The following MALRD1 variants were observed in gnomAD, a reference collection of about 807,000 sequenced individuals.
The protein encoded by MALRD1 is MAM and LDL-receptor class A domain-containing protein 1.
MALRD1 carries 247 observed loss-of-function variants against 242.1 expected under a neutral mutation model. The observed-to-expected ratio is 1.02, with a 90% CI of 0.92 to 1.13. The LOEUF is 1.13. Among genes scored for constraint, MALRD1 ranks in the 50% most tolerant of loss-of-function variants. MALRD1 has a pLI of 0.00. For synonymous variants in MALRD1, 995 were observed against 866.6 expected, an observed-to-expected ratio of 1.15 and a Z score of -2.60; for missense variants, 2,989 against 2,533.1, an observed-to-expected ratio of 1.18 and a Z score of -3.86.
intron 14 of MALRD1, among the ~76,000 whole-genome samples, chr10:19,187,100 A>G (rs943477717): frequency 2.6e-5 from 4 of 152,212 alleles, no homozygotes; most frequent in Admixed American, 2.0e-4. Flanking sequence ...ATAAATACTC[A>G]CATGCTTACT....
chr10:19,701,128 G>A (rs1833607303), intron 38 of MALRD1, among the ~76,000 whole-genome samples: 1 of 152,080 alleles, frequency 6.6e-6, no homozygotes, highest in Non-Finnish European at 1.5e-5. Context: ...CAGCCTGGGT[G>A]ACAAAGCAAG....
intron 31 of MALRD1, among the ~76,000 whole-genome samples, chr10:19,511,932 A>C: frequency 6.6e-6 from 1 of 152,062 alleles, no homozygotes. Flanking sequence ...CACATCTAGG[A>C]TGTCATCTTC....
At chr10:19,134,423 T>C (rs1833246901) in intron 9 of MALRD1, among the ~76,000 whole-genome samples, 1 of 152,248 alleles carries the variant, frequency 6.6e-6, no homozygotes, top group East Asian at 1.9e-4. Context: ...TGATATTTTG[T>C]GTTGTATTAG....
intron 10 of MALRD1, among the ~76,000 whole-genome samples, chr10:19,141,639 T>C (rs1161108061): frequency 1.3e-5 from 2 of 151,974 alleles, no homozygotes; most frequent in Admixed American, 6.6e-5. Flanking sequence ...TCTACTTCAC[T>C]GTGTTCCAGA....
At chr10:19,343,459 A>G (rs1449096929) in intron 24 of MALRD1, among the ~76,000 whole-genome samples, 2 of 152,166 alleles carry the variant, frequency 1.3e-5, no homozygotes, top group Admixed American at 6.6e-5. Context: ...CTCCATCTTT[A>G]CAAAGATCTT....
At chr10:19,655,460 G>A (rs1480112271) in intron 36 of MALRD1, among the ~76,000 whole-genome samples, 2 of 149,102 alleles carry the variant, frequency 1.3e-5, no homozygotes, top group Non-Finnish European at 3.0e-5. Context: ...AGAGCCTAGA[G>A]ATCCCAGGAA....
intron 29 of MALRD1, among the ~76,000 whole-genome samples, chr10:19,476,947 A>C (rs1200009483): frequency 6.6e-6 from 1 of 152,072 alleles, no homozygotes; most frequent in Non-Finnish European, 1.5e-5. Flanking sequence ...AATATTTTCT[A>C]CTGAAAAACA....
intron 28 of MALRD1, among the ~76,000 whole-genome samples, chr10:19,391,659 C>T (rs1846342031): frequency 1.3e-5 from 2 of 152,192 alleles, no homozygotes; most frequent in Admixed American, 6.5e-5. Flanking sequence ...CGGGAAGACT[C>T]GACCTTTTGC....
chr10:19,185,008 A>G (rs891087668), intron 14 of MALRD1, among the ~76,000 whole-genome samples: 1 of 152,208 alleles, frequency 6.6e-6, no homozygotes, highest in African/African-American at 2.4e-5. Flanking sequence ...TGCAAATACT[A>G]TTTATAAGTT....
chr10:19,320,350 T>C (rs958117760), intron 21 of MALRD1, among the ~76,000 whole-genome samples: 1 of 152,124 alleles, frequency 6.6e-6, no homozygotes, highest in Non-Finnish European at 1.5e-5. Flanking sequence ...GTTACTTTGC[T>C]GAGGATGATG....
In MALRD1 at chr10:19,146,189, G is replaced by T; in HGVS notation, c.1412-9G>T. On this transcript the variant is annotated splice_polypyrimidine_tract_variant and intron_variant, in intron 10 of 39. Coordinates refer to ENST00000454679, the MANE Select transcript of MALRD1 (RefSeq NM_001142308.3). Reference sequence around the variant, plus strand: ...TCTCCTCACCTGTTTTCTCTTCTACGTGTAACAGCAAAGCATCTCACCTGT... The same window carrying T: ...TCTCCTCACCTGTTTTCTCTTCTACTTGTAACAGCAAAGCATCTCACCTGT... The T allele has an allele frequency of 2.4e-6, 3 of 1,231,464 alleles. No homozygotes were observed. Among genetic ancestry groups the T allele is most frequent in the Non-Finnish European group, 3.0e-6 (3 of 987,840 alleles). The allele number at this position is 1,231,464 out of a possible 1,614,324, so 76.3% of individuals were successfully genotyped here. A position where few individuals can be genotyped will look rare whatever the true frequency, so the allele number is the denominator to read the frequency against.
intron 35 of MALRD1, among the ~76,000 whole-genome samples, chr10:19,614,122 A>G (rs1184797410): frequency 6.6e-6 from 1 of 152,038 alleles, no homozygotes; most frequent in African/African-American, 2.4e-5. Flanking sequence ...CATACTATGA[A>G]CTGGTTGTTC....
chr10:19,404,157 T>G (rs1218410545), intron 28 of MALRD1, among the ~76,000 whole-genome samples: 1 of 152,070 alleles, frequency 6.6e-6, no homozygotes. Context: ...AAGTAAAACT[T>G]TTACAATTTA....
intron 32 of MALRD1, among the ~76,000 whole-genome samples, chr10:19,547,800 ATATATATATATATATATATTTTT>A (rs1250515286): frequency 6.7e-5 from 1 of 15,032 alleles, no homozygotes; most frequent in Non-Finnish European, 1.8e-4. Context: ...ATATATATAT[ATATATATATATATATATATTTTT>A]TTTTTTTTTT....
chr10:19,152,406 G>A (rs1334558390), intron 11 of MALRD1, among the ~76,000 whole-genome samples: 3 of 152,084 alleles, frequency 2.0e-5, no homozygotes, highest in African/African-American at 7.2e-5. Context: ...ATAGCATTTA[G>A]CTTCCAAATC....
chr10:19,614,606 G>A (rs191997981), intron 35 of MALRD1, among the ~76,000 whole-genome samples: 1 of 152,124 alleles, frequency 6.6e-6, no homozygotes, highest in East Asian at 1.9e-4. Flanking sequence ...AGGAAATAAG[G>A]AGGCAGTTCA....
At chr10:19,346,360 A>C (rs2130977234) in intron 24 of MALRD1, among the ~76,000 whole-genome samples, 1 of 152,242 alleles carries the variant, frequency 6.6e-6, no homozygotes, top group African/African-American at 2.4e-5. Flanking sequence ...TGGAGAGCAA[A>C]TCCCTGAGTG....
At chr10:19,133,505 T>C (rs190439313) in intron 8 of MALRD1, among the ~76,000 whole-genome samples, 53 of 152,300 alleles carry the variant, frequency 3.5e-4, no homozygotes, top group African/African-American at 1.3e-3. Context: ...TATTACAAAA[T>C]GTAATAATGT....
At chr10:19,379,318 A>G (rs571159554) in intron 26 of MALRD1, among the ~76,000 whole-genome samples, 4 of 151,416 alleles carry the variant, frequency 2.6e-5, no homozygotes, top group Admixed American at 6.6e-5. Context: ...CCTCTTTATT[A>G]TTTTCCTCCT....
Sources: gnomAD v4.1 joint callset for allele counts (sites outside exome capture counted in the v4.1 genomes callset) on GRCh38, gnomAD v4.1.1 for gene constraint, MANE v1.5 for transcripts, NCBI Gene and HGNC (gene_info 2026-07-23, HGNC 2026-07-21) for gene names.